The following XRCC3 variants were observed in gnomAD, a reference collection of about 807,000 sequenced individuals.
XRCC3 encodes the protein DNA repair protein XRCC3.
In XRCC3, 34 loss-of-function variants were observed where a neutral mutation model predicts 29.2. The observed-to-expected ratio is 1.16, with a 90% CI of 0.88 to 1.55. XRCC3 has a LOEUF of 1.55. XRCC3 is among the 40% of genes most tolerant of loss of function. The pLI, the probability that XRCC3 is intolerant of heterozygous loss-of-function variation, is 0.00. For missense variants in XRCC3, 463 were observed against 467.6 expected, an observed-to-expected ratio of 0.99 and a Z score of 0.09; for synonymous variants, 223 against 211.3, an observed-to-expected ratio of 1.06 and a Z score of -0.48.
chr14:103,701,813 G>A (rs2083211514), intron 7 of XRCC3: 1 of 151,248 alleles, frequency 6.6e-6, no homozygotes, highest in African/African-American at 2.4e-5. Flanking sequence ...GGTGGAGCTT[G>A]CAGTGAGCTG....
At chr14:103,711,884 G>A in intron 2 of XRCC3, 1 of 362,956 alleles carries the variant, frequency 2.8e-6, no homozygotes, top group Non-Finnish European at 5.5e-6. Context: ...GAGACCAAGA[G>A]TGTCCAGGAC....
chr14:103,703,407 T>C (rs1595656725), intron 6 of XRCC3, 80 bp from the exon 7 acceptor site: 3 of 1,432,654 alleles, frequency 2.1e-6, no homozygotes, highest in Non-Finnish European at 2.8e-6. Flanking sequence ...TGCAGATGTC[T>C]CCCGCCATTT....
intron 7 of XRCC3, chr14:103,701,368 G>A (rs1376367246): frequency 2.5e-5 from 17 of 692,976 alleles, no homozygotes; most frequent in Non-Finnish European, 3.2e-5. Flanking sequence ...CACGGCTGGC[G>A]TGACCTTGGG....
At position 103,715,378 on chromosome 14, in the gene XRCC3, C is replaced by CGCCCGGCTCGCAGCCCGGCTCGCA. The variant is rs3212023; in HGVS notation, c.-318+22_-318+45dup. On this transcript the variant is annotated intron_variant, in intron 1 of 9. Transcript: ENST00000555055. ...CGCCCACGACCTCCGACCCCGCTGCCGCCCGGCTCGCAGCCCGGCTCGCAG... is the reference window on the plus strand; with the variant it reads ...CGCCCACGACCTCCGACCCCGCTGCCGCCCGGCTCGCAGCCCGGCTCGCAGCCCGGCTCGCAGCCCGGCTCGCAG... 9 of 152,622 alleles carry CGCCCGGCTCGCAGCCCGGCTCGCA rather than the reference C, an allele frequency of 5.9e-5. No homozygotes were observed. The South Asian group carries it at 1.0e-3, about 18-fold the overall frequency. The allele number at this position is 152,622 out of a possible 1,614,324, so 9.5% of individuals were successfully genotyped here. A position where few individuals can be genotyped will look rare whatever the true frequency, so the allele number is the denominator to read the frequency against.
rs754795647 is a variant in XRCC3 at position 103,703,371 on chromosome 14, G to C, written c.407-44C>G. ...TGATGTGCCCAGGGGACTCCAGACG[G>C]GCCTGTGACTGCCACACAAATCAAG... On this transcript the variant is annotated intron_variant, in intron 6 of 9. Coordinates refer to ENST00000555055, the MANE Select transcript of XRCC3 (RefSeq NM_005432.4). 2.6e-6 allele frequency: 4 copies of C among 1,529,230 alleles called. No individual in the cohort carries two copies. In the African/African-American group the frequency reaches 5.5e-5, roughly 21 times the overall value. 94.7% of individuals were successfully genotyped at this position (1,529,230 alleles called of 1,614,324 possible). A position where few individuals can be genotyped will look rare whatever the true frequency, so the allele number is the denominator to read the frequency against.
At chr14:103,707,692 C>G (rs2083483182) in intron 5 of XRCC3, 1 of 231,004 alleles carries the variant, frequency 4.3e-6, no homozygotes, top group Non-Finnish European at 8.7e-6. Flanking sequence ...CAATGCTGGT[C>G]TCAGCCTCTT....
intron 1 of XRCC3, among the ~76,000 whole-genome samples, chr14:103,714,819 G>A (rs1056798660): frequency 2.6e-5 from 4 of 152,134 alleles, no homozygotes; most frequent in Non-Finnish European, 5.9e-5. Flanking sequence ...CCAAGCAGCT[G>A]GGATTACAGG....
intron 5 of XRCC3, chr14:103,708,151 C>T: frequency 2.7e-6 from 1 of 364,656 alleles, no homozygotes; most frequent in Non-Finnish European, 5.3e-6. Flanking sequence ...ACCTGGTTTC[C>T]CACACGTGGT....
At position 103,706,914 on chromosome 14, in the gene XRCC3, G is replaced by A. The variant is rs373084327; in HGVS notation, c.406+89C>T. 215 of 1,390,406 alleles carry A rather than the reference G, an allele frequency of 1.5e-4. 7 individuals carry two copies. In the South Asian group the frequency reaches 2.5e-3, roughly 16 times the overall value. 86.1% of individuals were successfully genotyped at this position (1,390,406 alleles called of 1,614,324 possible). ...CAATGGTAGGAACAGCGCAAGAGGCGGCCACTGCCCCACCTCAACGGAAAG... is the reference window on the plus strand; with the variant it reads ...CAATGGTAGGAACAGCGCAAGAGGCAGCCACTGCCCCACCTCAACGGAAAG... On this transcript the variant is annotated intron_variant, in intron 6 of 9. Transcript: ENST00000555055.
intron 7 of XRCC3, 121 bp downstream of exon 7, chr14:103,703,052 A>C: frequency 2.7e-6 from 4 of 1,460,520 alleles, no homozygotes; most frequent in Non-Finnish European, 3.7e-6. Flanking sequence ...TGCTGTGTTC[A>C]GAGCTGAGCC....
In XRCC3 at chr14:103,707,028, CG is replaced by C; in HGVS notation, c.380del (p.Pro127ArgfsTer68). 6.4e-7 allele frequency: 1 copy of C among 1,564,784 alleles called. No homozygotes were observed. Among genetic ancestry groups the C allele is most frequent in the Non-Finnish European group, 8.6e-7 (1 of 1,158,814 alleles). On this transcript the variant is annotated frameshift_variant, in exon 6 of 10. Transcript: ENST00000555055. LOFTEE classifies it high-confidence loss of function. Reference sequence around the variant, plus strand: ...CAGCCTCCAGGCCTCCGTGCTGCCGCGGGAACTGCACAGCCAGGCAGAGCTG... The same window carrying C: ...CAGCCTCCAGGCCTCCGTGCTGCCGCGGAACTGCACAGCCAGGCAGAGCTG... ...ALQLCLAVQF[P>X]RQHGGLEAGA...
chr14:103,707,093 C>G lies in XRCC3; in HGVS notation c.316G>C (p.Ala106Pro). Residue 106 changes from alanine (A) to proline (P), a missense_variant, in exon 6 of 10, where the codon GCC (alanine) becomes CCC (proline). Transcript: ENST00000555055. ...GTCTTCCCTGCCGAGCTGCGTCCGG[C>G]CAGCTCAGTGATGCCGTCCAGGGGC... ...GLPLDGITEL[A>P]GRSSAGKTQL... 2 of 1,555,632 alleles carry G rather than the reference C, an allele frequency of 1.3e-6. No individual in the cohort carries two copies. The highest frequency in any genetic ancestry group is 1.7e-6 in the Non-Finnish European group (2 of 1,150,664).
In XRCC3 at chr14:103,708,419, G is replaced by A. The variant is rs141797778; in HGVS notation, c.193+103C>T. On this transcript the variant is annotated intron_variant, in intron 5 of 9. Coordinates refer to ENST00000555055, the MANE Select transcript of XRCC3 (RefSeq NM_005432.4). ...TGGAGCAGCTGCCACACGCCCTGAG[G>A]CTGGTCCCTGGGTGAAGTCTGCACA... is the stretch of plus-strand genomic sequence containing the variant. The A allele has an allele frequency of 1.6e-5, 25 of 1,548,128 alleles. No individual in the cohort carries two copies. The East Asian group carries it at 5.3e-4, about 33-fold the overall frequency.
At chr14:103,700,920 G>T (rs966349546) in intron 7 of XRCC3, among the ~76,000 whole-genome samples, 1 of 152,200 alleles carries the variant, frequency 6.6e-6, no homozygotes, top group Non-Finnish European at 1.5e-5. Context: ...GTGGGGGGGT[G>T]GGAATGGCAC....
chr14:103,710,573 T>C (rs1197284349), intron 4 of XRCC3: 2 of 161,168 alleles, frequency 1.2e-5, no homozygotes, highest in Non-Finnish European at 2.7e-5. Flanking sequence ...ACCCTGTCTC[T>C]ACTAAATTTA....
In XRCC3 at chr14:103,711,191, C is replaced by T. The variant is rs2083613279; in HGVS notation, c.-104G>A. ...CCTTCAATTCAAAGCCTGTGGGAGG[C>T]CCGAACCAGGGAAGTGACAGCAGCC... is the stretch of plus-strand genomic sequence containing the variant. On this transcript the variant is annotated 5_prime_UTR_variant, in exon 4 of 10. Coordinates refer to ENST00000555055, the MANE Select transcript of XRCC3 (RefSeq NM_005432.4). The T allele has an allele frequency of 1.5e-6, 2 of 1,321,464 alleles. No individual in the cohort carries two copies. Among genetic ancestry groups the T allele is most frequent in the African/African-American group, 1.5e-5 (1 of 68,648 alleles). The allele number at this position is 1,321,464 out of a possible 1,614,324, so 81.9% of individuals were successfully genotyped here. A position where few individuals can be genotyped will look rare whatever the true frequency, so the allele number is the denominator to read the frequency against.
At chr14:103,707,285 C>T in intron 5 of XRCC3, 70 bp from the exon 6 acceptor site, 2 of 1,526,650 alleles carry the variant, frequency 1.3e-6, no homozygotes. Flanking sequence ...CTGCGGGAGG[C>T]ATGGTCAGCC....
At chr14:103,710,049 G>A (rs1282214962) in intron 4 of XRCC3, 1 of 152,422 alleles carries the variant, frequency 6.6e-6, no homozygotes, top group East Asian at 1.9e-4. Context: ...GGAGACGGGG[G>A]AGGATGGAAG....
chr14:103,702,991 T>A, intron 7 of XRCC3, 182 bp downstream of exon 7: 1 of 900,354 alleles, frequency 1.1e-6, no homozygotes, highest in Non-Finnish European at 1.7e-6. Flanking sequence ...TCTCAGTCAC[T>A]CTCCATCCTC....
Sources: gnomAD v4.1 joint callset for allele counts (sites outside exome capture counted in the v4.1 genomes callset) on GRCh38, gnomAD v4.1.1 for gene constraint, MANE v1.5 for transcripts, NCBI Gene and HGNC (gene_info 2026-07-23, HGNC 2026-07-21) for gene names.